RAD51B: variants seen among roughly 807,000 people sequenced by gnomAD.
RAD51B encodes the protein DNA repair protein RAD51 homolog 2.
RAD51B carries 38 observed loss-of-function variants against 42.2 expected under a neutral mutation model. The ratio of observed to expected loss-of-function variants is 0.90; its 90% CI spans 0.70 to 1.18. The LOEUF is 1.18. Among genes scored for constraint, RAD51B ranks in the 50% most tolerant of loss-of-function variants. The pLI is 0.00. For missense variants in RAD51B, 373 were observed against 400.7 expected (o/e 0.93, Z 0.59); for synonymous variants, 154 against 145.2 (o/e 1.06, Z -0.43).
At chr14:67,905,053 T>A (rs2043740027) in intron 7 of RAD51B, among the ~76,000 whole-genome samples, 1 of 152,086 alleles carries the variant, frequency 6.6e-6, no homozygotes, top group Admixed American at 6.6e-5. Context: ...AGTTTTATAT[T>A]TAAGTCTTTA....
chr14:68,207,808 C>T (rs1038516857), intron 7 of RAD51B, among the ~76,000 whole-genome samples: 1 of 151,642 alleles, frequency 6.6e-6, no homozygotes, highest in African/African-American at 2.4e-5. Context: ...TATTTGGTTA[C>T]CAAAGGTTTT....
chr14:68,250,698 A>T (rs965965615), intron 7 of RAD51B, among the ~76,000 whole-genome samples: 1 of 152,196 alleles, frequency 6.6e-6, no homozygotes, highest in African/African-American at 2.4e-5. Flanking sequence ...ACCGGCATTA[A>T]TTCACTGAGG....
At chr14:68,607,948 A>G (rs1218099253) in intron 10 of RAD51B, among the ~76,000 whole-genome samples, 2 of 152,240 alleles carry the variant, frequency 1.3e-5, no homozygotes, top group East Asian at 3.8e-4. Context: ...CCCAGACCTC[A>G]GGGGAAGGAA....
chr14:68,486,888 C>T (rs1883664206), intron 10 of RAD51B, among the ~76,000 whole-genome samples: 1 of 152,222 alleles, frequency 6.6e-6, no homozygotes, highest in Non-Finnish European at 1.5e-5. Context: ...GGCATCTCCT[C>T]ATCCCTTTCC....
At chr14:68,061,535 C>T (rs2076569149) in intron 7 of RAD51B, among the ~76,000 whole-genome samples, 1 of 152,012 alleles carries the variant, frequency 6.6e-6, no homozygotes, top group Admixed American at 6.6e-5. Flanking sequence ...TATGGGCTGC[C>T]TTTTCATTTT....
At chr14:68,406,987 G>T (rs775029496) in intron 8 of RAD51B, among the ~76,000 whole-genome samples, 1 of 152,010 alleles carries the variant, frequency 6.6e-6, no homozygotes, top group South Asian at 2.1e-4. Flanking sequence ...GCAATAACAC[G>T]CATGAAGCTG....
chr14:68,501,708 G>A (rs1349006328), intron 10 of RAD51B, among the ~76,000 whole-genome samples: 5 of 152,282 alleles, frequency 3.3e-5, no homozygotes, highest in Non-Finnish European at 7.3e-5. Context: ...AACTGCCCAA[G>A]CTCAGCTGGC....
chr14:68,187,996 G>T (rs1322078850), intron 7 of RAD51B, among the ~76,000 whole-genome samples: 1 of 151,958 alleles, frequency 6.6e-6, no homozygotes, highest in Non-Finnish European at 1.5e-5. Flanking sequence ...TGTATTTTTA[G>T]TAGAGATGGG....
chr14:68,344,648 A>AAAAT (rs1248325399), intron 8 of RAD51B, among the ~76,000 whole-genome samples: 1 of 144,170 alleles, frequency 6.9e-6, no homozygotes. Flanking sequence ...CTCCGTCTCA[A>AAAAT]AAATAAATAA....
At chr14:68,262,486 A>G (rs1199293688) in intron 7 of RAD51B, among the ~76,000 whole-genome samples, 4 of 152,148 alleles carry the variant, frequency 2.6e-5, no homozygotes, top group African/African-American at 9.6e-5. Context: ...ACACATCCCC[A>G]TGCCCCACTT....
intron 7 of RAD51B, among the ~76,000 whole-genome samples, chr14:68,252,621 GA>G (rs1365632892): frequency 6.6e-6 from 1 of 152,018 alleles, no homozygotes; most frequent in African/African-American, 2.4e-5. Flanking sequence ...AACATTGCAG[GA>G]AAAAATACAC....
At chr14:68,591,632 C>T (rs1011336506) in intron 10 of RAD51B, among the ~76,000 whole-genome samples, 2 of 151,900 alleles carry the variant, frequency 1.3e-5, no homozygotes, top group African/African-American at 4.8e-5. Flanking sequence ...TGTGTGTGGC[C>T]GGTGGCGTGG....
chr14:68,043,739 T>C (rs979575440), intron 7 of RAD51B, among the ~76,000 whole-genome samples: 116 of 152,300 alleles, frequency 7.6e-4, no homozygotes, highest in African/African-American at 2.7e-3. Context: ...GATAAGTAAG[T>C]AGGGAGAGTA....
At chr14:68,584,139 G>A (rs954302182) in intron 10 of RAD51B, among the ~76,000 whole-genome samples, 2 of 152,114 alleles carry the variant, frequency 1.3e-5, no homozygotes, top group Admixed American at 6.5e-5. Flanking sequence ...AGGTGTCACC[G>A]TCTCATGCTC....
chr14:68,450,438 C>T lies in RAD51B; in HGVS notation c.958-17734C>T, dbSNP rs530234241. Among the ~76,000 whole-genome samples, 69 of 152,128 alleles carry T rather than the reference C, an allele frequency of 4.5e-4. 1 individual carries two copies. Among genetic ancestry groups the T allele is most frequent in the African/African-American group, 1.3e-3 (53 of 41,510 alleles). On this transcript the variant is annotated intron_variant, in intron 9 of 10. Transcript: ENST00000471583. ...TTCGCCCTGTTGACCAGGCTGGTCT[C>T]GAACTCCTGACCTCAGGTGATCCAC...
chr14:68,172,794 T>C (rs1348618528), intron 7 of RAD51B, among the ~76,000 whole-genome samples: 2 of 152,222 alleles, frequency 1.3e-5, no homozygotes, highest in South Asian at 2.1e-4. Flanking sequence ...GCCTATGTTA[T>C]GAAAGAGAAA....
chr14:67,924,490 C>A (rs1315686848), intron 7 of RAD51B, among the ~76,000 whole-genome samples: 2 of 152,164 alleles, frequency 1.3e-5, no homozygotes, highest in African/African-American at 4.8e-5. Flanking sequence ...TTTAATTGGA[C>A]TTATAGTTCC....
chr14:68,442,692 GC>G (rs959824634), intron 9 of RAD51B, among the ~76,000 whole-genome samples: 3 of 151,830 alleles, frequency 2.0e-5, no homozygotes, highest in Non-Finnish European at 4.4e-5. Flanking sequence ...GCCCGCCTCG[GC>G]CTCCCAAAGT....
chr14:68,539,290 G>C, intron 10 of RAD51B, among the ~76,000 whole-genome samples: 1 of 152,152 alleles, frequency 6.6e-6, no homozygotes, highest in East Asian at 1.9e-4. Context: ...GTTCAGGTTT[G>C]CAACAGGATG....
Sources: allele counts gnomAD v4.1 joint callset (sites outside exome capture counted in the v4.1 genomes callset), GRCh38; gene constraint gnomAD v4.1.1; transcripts MANE v1.5; gene names NCBI Gene and HGNC (gene_info 2026-07-23, HGNC 2026-07-21).